The following PCM1 variants were observed in gnomAD, a reference collection of about 807,000 sequenced individuals.
The protein encoded by PCM1 is pericentriolar material 1, also known as pericentriolar material 1 protein.
Under a neutral mutation model 241.9 loss-of-function variants are expected in PCM1, and 157 were observed. That is an observed-to-expected ratio of 0.65 (90% CI 0.57 to 0.74). The LOEUF (loss-of-function observed/expected upper bound fraction) is 0.74. Among genes scored for constraint, PCM1 ranks in the 30% least tolerant of loss-of-function variants. PCM1 has a pLI of 0.00. For synonymous variants in PCM1, 1,085 were observed against 784.9 expected (o/e 1.38, Z -6.39); for missense variants, 3,478 against 2,360.1 (o/e 1.47, Z -9.81).
chr8:18,027,296 G>A (rs2094305386), intron 38 of PCM1, among the ~76,000 whole-genome samples: 1 of 152,142 alleles, frequency 6.6e-6, no homozygotes, highest in Admixed American at 6.5e-5. Context: ...GCTTCCATCT[G>A]CATTGAGCAT....
intron 36 of PCM1, among the ~76,000 whole-genome samples, chr8:18,016,535 G>A (rs2093225313): frequency 6.6e-6 from 1 of 152,188 alleles, no homozygotes; most frequent in South Asian, 2.1e-4. Flanking sequence ...GAAACAATGG[G>A]AAGCAGTTTT....
At position 17,986,058 on chromosome 8, in the gene PCM1, C is replaced by A; in HGVS notation, c.4381C>A (p.Pro1461Thr). 1 of 1,597,320 alleles carries A rather than the reference C, an allele frequency of 6.3e-7. No homozygotes were observed. The highest frequency in any genetic ancestry group is 8.5e-7 in the Non-Finnish European group (1 of 1,170,970). ...GATAGCATCAAACTCAGAACTTACT[C>A]CTAGTGAGAGCCTTGCTACTACTGA... Reference protein sequence around the residue: ...TWIASNSELTPSESLATTDDE... With the variant: ...TWIASNSELTTSESLATTDDE... The change falls in exon 26 of 39, where the codon CCT (proline) becomes ACT (threonine). Residue 1461 changes from proline to threonine, a missense_variant. Transcript: ENST00000325083.
intron 2 of PCM1, among the ~76,000 whole-genome samples, chr8:17,930,836 C>G (rs545157062): frequency 2.2e-4 from 33 of 151,532 alleles, no homozygotes; most frequent in Admixed American, 1.7e-3. Context: ...GCCCAGATGG[C>G]GCCACTGCAC....
chr8:18,017,686 T>C (rs1042489688), intron 36 of PCM1, among the ~76,000 whole-genome samples: 2 of 152,136 alleles, frequency 1.3e-5, no homozygotes, highest in African/African-American at 4.8e-5. Flanking sequence ...AAACCCTGTC[T>C]CTATTAAAAA....
chr8:18,026,281 CAG>C (rs2094204645), intron 38 of PCM1, among the ~76,000 whole-genome samples: 2 of 107,218 alleles, frequency 1.9e-5, no homozygotes, highest in South Asian at 3.4e-4. Context: ...TTTTTTGAGA[CAG>C]AGTCTCTGCC....
rs2077190894 is a variant in PCM1, at chr8:17,972,540, G to A, written c.3796G>A (p.Asp1266Asn). The A allele has an allele frequency of 6.2e-7, 1 of 1,613,848 alleles. No homozygotes were observed. Among genetic ancestry groups the A allele is most frequent in the Non-Finnish European group, 8.5e-7 (1 of 1,179,742 alleles). The change falls in exon 23 of 39, where the codon GAT (aspartate) becomes AAT (asparagine). Residue 1266 changes from aspartate (D) to asparagine (N), a missense_variant. Coordinates refer to ENST00000325083, the MANE Select transcript of PCM1 (RefSeq NM_006197.4). ...ACTGGAAAGCTTTAGCAGTATGCCT[G>A]ATCCAGTAGATCCAACAACAGTGAC... ...ESLESFSSMP[D>N]PVDPTTVTKT... is the part of the protein sequence containing the mutation.
chr8:17,954,350 C>A (rs1024345938), intron 9 of PCM1, among the ~76,000 whole-genome samples: 1 of 150,654 alleles, frequency 6.6e-6, no homozygotes, highest in African/African-American at 2.5e-5. Context: ...TCGCTTGAAT[C>A]TGGGAGGCGG....
intron 29 of PCM1, among the ~76,000 whole-genome samples, chr8:18,002,064 CTT>C (rs1208413264): frequency 9.9e-5 from 1 of 10,128 alleles, no homozygotes; most frequent in Admixed American, 1.5e-3. Context: ...TTTTTTTTTT[CTT>C]TTTTTTTTTT....
rs752140649 is a variant in PCM1 at position 17,967,071 on chromosome 8, C to T, written c.3313C>T (p.Pro1105Ser). 54 of 1,608,972 alleles carry T rather than the reference C, an allele frequency of 3.4e-5. No individual in the cohort carries two copies. Among genetic ancestry groups the T allele is most frequent in the Non-Finnish European group, 4.2e-5 (49 of 1,177,454 alleles). The change falls in exon 21 of 39, where the codon CCT (proline) becomes TCT (serine). Residue 1105 changes from proline to serine, a missense_variant. Coordinates refer to ENST00000325083, the MANE Select transcript of PCM1 (RefSeq NM_006197.4). ...GKERGSSASH[P>S]PSPSLFCPFS... is the part of the protein sequence containing the mutation. ...GGAAAGAGGCAGTAGTGCATCGCAC[C>T]CTCCTTCTCCCAGTTTATTTTGTCC...
chr8:17,948,555 G>A (rs897801831), intron 7 of PCM1, among the ~76,000 whole-genome samples: 4 of 151,752 alleles, frequency 2.6e-5, no homozygotes, highest in African/African-American at 9.7e-5. Context: ...TGCCCGCCTT[G>A]GCCTCCCAAA....
At chr8:17,998,617 C>CCAGCA (rs1465092465) in intron 29 of PCM1, among the ~76,000 whole-genome samples, 4 of 152,168 alleles carry the variant, frequency 2.6e-5, no homozygotes, top group African/African-American at 9.7e-5. Context: ...ATACCTAAAG[C>CCAGCA]CAGCACAGCA....
chr8:17,947,392 T>C (rs749661588), intron 7 of PCM1, 29 bp downstream of exon 7: 2 of 1,479,510 alleles, frequency 1.4e-6, no homozygotes, highest in Admixed American at 2.1e-5. Context: ...ATATTCTTTT[T>C]GTAAGGAAGA....
At chr8:17,998,530 G>A (rs1189098300) in intron 29 of PCM1, among the ~76,000 whole-genome samples, 1 of 152,172 alleles carries the variant, frequency 6.6e-6, no homozygotes, top group Admixed American at 6.5e-5. Context: ...TCTCTGTGTT[G>A]AAATGCCTGG....
chr8:17,940,904 T>A (rs532142785), intron 6 of PCM1, among the ~76,000 whole-genome samples: 1 of 152,274 alleles, frequency 6.6e-6, no homozygotes, highest in South Asian at 2.1e-4. Flanking sequence ...CTAGTAAAGC[T>A]TTTGTTTTGA....
At chr8:17,963,016 T>A in intron 16 of PCM1, 85 bp from the exon 17 acceptor site, 1 of 877,442 alleles carries the variant, frequency 1.1e-6, no homozygotes, top group Non-Finnish European at 1.8e-6. Flanking sequence ...CCTTTGTTGA[T>A]ACTGACAATA....
chr8:17,939,237 A>T (rs2061330048), intron 5 of PCM1, among the ~76,000 whole-genome samples: 2 of 152,190 alleles, frequency 1.3e-5, no homozygotes, highest in South Asian at 4.1e-4. Context: ...GCTTCTGTTT[A>T]TTTACAAAAT....
chr8:17,950,279 T>C (rs2065529923), intron 7 of PCM1, among the ~76,000 whole-genome samples: 1 of 152,232 alleles, frequency 6.6e-6, no homozygotes, highest in Non-Finnish European at 1.5e-5. Context: ...GCTGTGCTTT[T>C]TTACACTATC....
chr8:18,012,694 CT>C (rs551072050), intron 34 of PCM1, among the ~76,000 whole-genome samples: 352 of 152,218 alleles, frequency 2.3e-3, no homozygotes, highest in Non-Finnish European at 4.0e-3. Context: ...TTTAAATTCT[CT>C]TTATTACTGC....
At chr8:17,963,064 A>C (rs1238962899) in intron 16 of PCM1, 37 bp from the exon 17 acceptor site, 2 of 1,503,970 alleles carry the variant, frequency 1.3e-6, no homozygotes, top group Admixed American at 2.0e-5. Flanking sequence ...CAGCAAATCC[A>C]AATATTTATT....
Sources: allele counts gnomAD v4.1 joint callset (sites outside exome capture counted in the v4.1 genomes callset), GRCh38; gene constraint gnomAD v4.1.1; transcripts MANE v1.5; gene names NCBI Gene and HGNC (gene_info 2026-07-23, HGNC 2026-07-21).